Variants in MTHFD2L observed in about 807,000 individuals in gnomAD.
MTHFD2L encodes the protein bifunctional methylenetetrahydrofolate dehydrogenase/cyclohydrolase 2, mitochondrial.
Under a neutral mutation model 34.9 loss-of-function variants are expected in MTHFD2L, and 29 were observed. The ratio of observed to expected loss-of-function variants is 0.83; its 90% CI spans 0.62 to 1.13. The LOEUF is 1.13. Among genes scored for constraint, MTHFD2L ranks in the 50% most tolerant of loss-of-function variants. The probability of loss-of-function intolerance (pLI) is 0.00; values close to 1 mark genes in which losing one functional copy is unlikely to be tolerated. For synonymous variants in MTHFD2L, 167 were observed against 155.7 expected, an observed-to-expected ratio of 1.07 and a Z score of -0.54; for missense variants, 481 against 446.5, an observed-to-expected ratio of 1.08 and a Z score of -0.70.
At chr4:74,276,181 T>G (rs1746623141) in intron 6 of MTHFD2L, among the ~76,000 whole-genome samples, 1 of 152,132 alleles carries the variant, frequency 6.6e-6, no homozygotes, top group Non-Finnish European at 1.5e-5. Context: ...AATCAGCTGT[T>G]TGATGCTACC....
At chr4:74,125,788 T>C (rs1231412009) in intron 1 of MTHFD2L, among the ~76,000 whole-genome samples, 1 of 152,198 alleles carries the variant, frequency 6.6e-6, no homozygotes, top group Non-Finnish European at 1.5e-5. Context: ...AAAATTTGTT[T>C]ATTCTCTTTT....
chr4:74,234,820 T>TG (rs1185656067), intron 6 of MTHFD2L, among the ~76,000 whole-genome samples: 1 of 151,398 alleles, frequency 6.6e-6, no homozygotes, highest in African/African-American at 2.4e-5. Flanking sequence ...TGTGTGTGTG[T>TG]TTACGTGTGT....
upstream of MTHFD2L, among the ~76,000 whole-genome samples, chr4:74,155,162 C>A (rs1014356092): frequency 6.6e-6 from 1 of 152,120 alleles, no homozygotes. Context: ...AGATTTTTAA[C>A]CTTGCAATTC....
intron 6 of MTHFD2L, among the ~76,000 whole-genome samples, chr4:74,247,619 T>C (rs1052038011): frequency 2.6e-5 from 4 of 152,208 alleles, no homozygotes; most frequent in Admixed American, 6.5e-5. Context: ...TGTGGGTTTG[T>C]CATAGATAGC....
intron 5 of MTHFD2L, among the ~76,000 whole-genome samples, chr4:74,205,801 C>A (rs1007820439): frequency 6.6e-6 from 1 of 151,742 alleles, no homozygotes; most frequent in Non-Finnish European, 1.5e-5. Flanking sequence ...TGGTTCCTGT[C>A]CTCCCAGAGC....
chr4:74,242,517 T>A (rs776812250), intron 6 of MTHFD2L, among the ~76,000 whole-genome samples: 4 of 152,176 alleles, frequency 2.6e-5, no homozygotes, highest in Non-Finnish European at 5.9e-5. Context: ...TTATTATTTC[T>A]ATATTATAGA....
chr4:74,250,465 G>A (rs971087743), intron 6 of MTHFD2L, among the ~76,000 whole-genome samples: 2 of 152,036 alleles, frequency 1.3e-5, no homozygotes, highest in South Asian at 4.2e-4. Flanking sequence ...GACTCCATTA[G>A]GGAAGGAATT....
chr4:74,225,310 A>G lies in MTHFD2L; in HGVS notation c.721A>G (p.Thr241Ala). 3 of 1,611,596 alleles carry G rather than the reference A, an allele frequency of 1.9e-6. No individual in the cohort carries two copies. Among genetic ancestry groups the G allele is most frequent in the Non-Finnish European group, 2.5e-6 (3 of 1,178,442 alleles). The change falls in exon 6 of 8, where the codon ACT (threonine) becomes GCT (alanine). Residue 241 changes from threonine (T) to alanine (A), a missense_variant. Coordinates refer to ENST00000325278, the MANE Select transcript of MTHFD2L (RefSeq NM_001144978.3). ...ATTCTTCTGTATTCCAGGTGATGCA[A>G]CTGTGACAATAGCTCACAGATACAC... ...GEHERPGGDA[T>A]VTIAHRYTPK...
chr4:74,224,979 A>G (rs898609945), intron 5 of MTHFD2L, among the ~76,000 whole-genome samples: 3 of 152,148 alleles, frequency 2.0e-5, no homozygotes, highest in African/African-American at 7.2e-5. Flanking sequence ...TATGAAGACA[A>G]TGAGTATCCT....
upstream of MTHFD2L, among the ~76,000 whole-genome samples, chr4:74,120,988 G>A (rs554178381): frequency 5.6e-4 from 85 of 152,256 alleles, no homozygotes; most frequent in African/African-American, 1.9e-3. Context: ...GCAGATAGAG[G>A]GGCTGCATTC....
intron 7 of MTHFD2L, among the ~76,000 whole-genome samples, chr4:74,284,078 A>G (rs944122022): frequency 2.0e-5 from 3 of 152,178 alleles, no homozygotes; most frequent in African/African-American, 4.8e-5. Context: ...GATAAAATCA[A>G]TCGTTGAAGT....
chr4:74,184,478 C>T, intron 3 of MTHFD2L, among the ~76,000 whole-genome samples: 1 of 152,014 alleles, frequency 6.6e-6, no homozygotes, highest in East Asian at 1.9e-4. Context: ...AAATAACAAC[C>T]TTAATATCTT....
chr4:74,277,106 T>C (rs1746758534), intron 6 of MTHFD2L, among the ~76,000 whole-genome samples: 1 of 151,422 alleles, frequency 6.6e-6, no homozygotes. Context: ...CTCTATTGCT[T>C]GCATAAGAAT....
intron 6 of MTHFD2L, among the ~76,000 whole-genome samples, chr4:74,261,576 G>C (rs909500302): frequency 6.6e-6 from 1 of 151,994 alleles, no homozygotes; most frequent in African/African-American, 2.4e-5. Context: ...CCATCCAAAG[G>C]CTCATGATTT....
chr4:74,185,416 A>G (rs116620187), intron 3 of MTHFD2L, among the ~76,000 whole-genome samples: 2,205 of 152,210 alleles, frequency 0.014, 21 homozygotes, highest in Middle Eastern at 0.044. Context: ...ATACTTTAAG[A>G]TGGTAGGAAC....
At chr4:74,145,297 G>A (rs1027609653) in intron 1 of MTHFD2L, among the ~76,000 whole-genome samples, 3 of 152,032 alleles carry the variant, frequency 2.0e-5, no homozygotes, top group African/African-American at 7.2e-5. Flanking sequence ...TATTTACATA[G>A]CATATACATT....
chr4:74,124,275 T>G (rs914516605), upstream of MTHFD2L, among the ~76,000 whole-genome samples: 2 of 150,662 alleles, frequency 1.3e-5, no homozygotes, highest in Non-Finnish European at 3.0e-5. Context: ...GCATTAAAAG[T>G]TTTTTTTTAA....
At chr4:74,256,083 T>C (rs1743989457) in intron 6 of MTHFD2L, among the ~76,000 whole-genome samples, 1 of 152,236 alleles carries the variant, frequency 6.6e-6, no homozygotes, top group African/African-American at 2.4e-5. Flanking sequence ...TCCAAGCTGC[T>C]TTCCACAGTG....
intron 1 of MTHFD2L, among the ~76,000 whole-genome samples, chr4:74,152,126 A>G (rs573912428): frequency 2.0e-5 from 3 of 152,068 alleles, no homozygotes; most frequent in South Asian, 4.1e-4. Flanking sequence ...GTTTTCTTTC[A>G]TATCCTAATA....
Sources: gnomAD v4.1 joint callset for allele counts (sites outside exome capture counted in the v4.1 genomes callset) on GRCh38, gnomAD v4.1.1 for gene constraint, MANE v1.5 for transcripts, NCBI Gene and HGNC (gene_info 2026-07-23, HGNC 2026-07-21) for gene names.